ABRAXAS1: variants seen among roughly 807,000 people sequenced by gnomAD.
ABRAXAS1 encodes abraxas 1, BRCA1 A complex subunit, also known as BRCA1-A complex subunit Abraxas 1.
In ABRAXAS1, 26 loss-of-function variants were observed where a neutral mutation model predicts 38.4. The observed-to-expected ratio is 0.68, with a 90% confidence interval of 0.50 to 0.94. ABRAXAS1 has a LOEUF of 0.94. ABRAXAS1 is among the 40% of genes least tolerant of loss of function. ABRAXAS1 has a pLI of 0.00. For missense variants in ABRAXAS1, 438 were observed against 481.9 expected (o/e 0.91, Z 0.85); for synonymous variants, 144 against 165.5 (o/e 0.87, Z 1.00).
intron 2 of ABRAXAS1, among the ~76,000 whole-genome samples, chr4:83,481,341 G>A (rs564216894): frequency 2.8e-4 from 43 of 152,034 alleles, no homozygotes; most frequent in African/African-American, 9.9e-4. Flanking sequence ...TTTTCCCTAT[G>A]CATTTTAAAG....
intron 2 of ABRAXAS1, chr4:83,479,271 CA>C (rs1405400312): frequency 6.6e-6 from 1 of 152,010 alleles, no homozygotes; most frequent in Non-Finnish European, 1.5e-5. Flanking sequence ...GGTGTGGTGG[CA>C]GTCGCCGGTA....
chr4:83,464,631 AAG>A lies in ABRAXAS1; in HGVS notation c.682-1025_682-1024del, dbSNP rs1427483804. On this transcript the variant is annotated intron_variant, in intron 7 of 8. Coordinates refer to ENST00000321945, the MANE Select transcript of ABRAXAS1 (RefSeq NM_139076.3). ...TTACAAACTTTTTTTGCCCTGACAT[AAG>A]AGTTTGCCAGTTACCCCTGTACCCA... is the stretch of plus-strand genomic sequence containing the variant. 3.9e-5 allele frequency among the ~76,000 whole-genome samples: 6 copies of A among 152,256 alleles called. No individual in the cohort carries two copies. The East Asian group carries it at 1.2e-3, about 29-fold the overall frequency.
chr4:83,472,537 G>GT (rs1358860440), intron 3 of ABRAXAS1, among the ~76,000 whole-genome samples: 3 of 151,800 alleles, frequency 2.0e-5, no homozygotes, highest in South Asian at 2.1e-4. Flanking sequence ...TTTGGGAATC[G>GT]TTTTTTTTGA....
chr4:83,465,299 CAAA>C (rs35072866), intron 7 of ABRAXAS1, among the ~76,000 whole-genome samples: 42 of 88,200 alleles, frequency 4.8e-4, no homozygotes, highest in Admixed American at 2.4e-3. Context: ...GACTCTGTCT[CAAA>C]AAAAAAAAAA....
intron 3 of ABRAXAS1, among the ~76,000 whole-genome samples, chr4:83,473,979 C>A (rs13116765): frequency 0.49 from 73,340 of 150,218 alleles, 18,778 homozygotes; most frequent in East Asian, 0.67. Context: ...TAAAAATACA[C>A]CAACAAAAAA....
chr4:83,482,677 T>TA (rs1481779493), intron 1 of ABRAXAS1, among the ~76,000 whole-genome samples: 1 of 152,072 alleles, frequency 6.6e-6, no homozygotes, highest in Admixed American at 6.6e-5. Context: ...GCCCAGGCGA[T>TA]AGAGTGAGAC....
rs1284794023 is a variant in ABRAXAS1 at position 83,469,164 on chromosome 4, A to G, written c.477-13T>C. The G allele has an allele frequency of 1.1e-5, 17 of 1,610,702 alleles. No homozygotes were observed. The highest frequency in any genetic ancestry group is 1.4e-5 in the Non-Finnish European group (16 of 1,177,250). On this transcript the variant is annotated splice_polypyrimidine_tract_variant and intron_variant, in intron 5 of 8. Coordinates refer to ENST00000321945, the MANE Select transcript of ABRAXAS1 (RefSeq NM_139076.3). ...CCTGTGAAAAAGTCTGACAAAATAA[A>G]ACTTTAGAGTATAAACTTAGAATGA...
intron 1 of ABRAXAS1, among the ~76,000 whole-genome samples, chr4:83,482,656 A>C (rs776853758): frequency 4.6e-5 from 7 of 152,236 alleles, no homozygotes; most frequent in Non-Finnish European, 1.0e-4. Flanking sequence ...TGATCACGCC[A>C]CTGCACTCCA....
intron 3 of ABRAXAS1, among the ~76,000 whole-genome samples, chr4:83,473,047 G>A (rs992661581): frequency 2.0e-5 from 3 of 152,158 alleles, no homozygotes; most frequent in South Asian, 4.1e-4. Context: ...GGGAGGCTGA[G>A]GGGGGTGGAT....
At position 83,460,927 on chromosome 4, in the gene ABRAXAS1, T is replaced by C. The variant is rs748866658; in HGVS notation, c.*1542A>G. On this transcript the variant is annotated 3_prime_UTR_variant, in exon 9 of 9. Transcript: ENST00000321945. ...TCTCAAAAAAAAAAATTGCAAACTT[T>C]AAATATTGACATTTTTTATGAATAA... 1 of 1,561,190 alleles carries C rather than the reference T, an allele frequency of 6.4e-7. No homozygotes were observed. The highest frequency in any genetic ancestry group is 1.2e-5 in the South Asian group (1 of 84,670).
At chr4:83,483,928 T>C (rs1723084136) in intron 1 of ABRAXAS1, 1 of 663,728 alleles carries the variant, frequency 1.5e-6, no homozygotes, top group African/African-American at 2.0e-5. Flanking sequence ...TAAATGGTCA[T>C]ATATTTGTTC....
Position 83,459,967 on chromosome 4 carries a change from T to C in ABRAXAS1, c.*2502A>G. 1.9e-6 allele frequency: 1 copy of C among 535,606 alleles called. No homozygotes were observed. The highest frequency in any genetic ancestry group is 1.9e-5 in the African/African-American group (1 of 51,494). 33.2% of individuals were successfully genotyped at this position (535,606 alleles called of 1,614,324 possible). A position where few individuals can be genotyped will look rare whatever the true frequency, so the allele number is the denominator to read the frequency against. On this transcript the variant is annotated 3_prime_UTR_variant, in exon 9 of 9. Transcript: ENST00000321945. ...GAAAAAGTCTCTTAGGCCAAGAGGA[T>C]TATTATTTTGCTGTCTTATGCAGAG...
chr4:83,462,921 C>A lies in ABRAXAS1; in HGVS notation c.797-19G>T. On this transcript the variant is annotated intron_variant, in intron 8 of 8. Coordinates refer to ENST00000321945, the MANE Select transcript of ABRAXAS1 (RefSeq NM_139076.3). ...TTCTCTCCTAAACAAAATAGAATAACAGTTCAACATATAACATTTCTTCTA... is the reference window on the plus strand; with the variant it reads ...TTCTCTCCTAAACAAAATAGAATAAAAGTTCAACATATAACATTTCTTCTA... The A allele has an allele frequency of 6.8e-7, 1 of 1,465,500 alleles. No homozygotes were observed. The highest frequency in any genetic ancestry group is 9.2e-7 in the Non-Finnish European group (1 of 1,084,388). 90.8% of individuals were successfully genotyped at this position (1,465,500 alleles called of 1,614,324 possible).
rs986708157 is a variant in ABRAXAS1, at chr4:83,484,120, G to A, written c.87+866C>T. 52 of 952,078 alleles carry A rather than the reference G, an allele frequency of 5.5e-5. 1 individual carries two copies. Among genetic ancestry groups the A allele is most frequent in the Non-Finnish European group, 6.5e-5 (52 of 799,906 alleles). 59.0% of individuals were successfully genotyped at this position (952,078 alleles called of 1,614,324 possible). On this transcript the variant is annotated intron_variant, in intron 1 of 8. Transcript: ENST00000321945. ...TGGGCTCAGGTGATTCACCCGCCTC[G>A]GCTTCCCAAAGGGCTGGAATTACAG...
At position 83,461,185 on chromosome 4, in the gene ABRAXAS1, A is replaced by T. The variant is rs1722095793; in HGVS notation, c.*1284T>A. The T allele has an allele frequency of 3.7e-6, 6 of 1,611,750 alleles. No individual in the cohort carries two copies. The highest frequency in any genetic ancestry group is 1.3e-5 in the African/African-American group (1 of 74,854). ...AGGACCCTAAAGTTTGTAACATCAG[A>T]TATCGGGAATAAATTCTATCACGTT... On this transcript the variant is annotated 3_prime_UTR_variant, in exon 9 of 9. Coordinates refer to ENST00000321945, the MANE Select transcript of ABRAXAS1 (RefSeq NM_139076.3).
chr4:83,472,218 A>G lies in ABRAXAS1; in HGVS notation c.282+4T>C. ...AAAAAAAGGGAAGATAAATTAGAGA[A>G]TACCTTTTTGACATTTGATAATATT... is the stretch of plus-strand genomic sequence containing the variant. On this transcript the variant is annotated splice_donor_region_variant and intron_variant, in intron 4 of 8. Transcript: ENST00000321945. 1 of 1,495,126 alleles carries G rather than the reference A, an allele frequency of 6.7e-7. No individual in the cohort carries two copies. Among genetic ancestry groups the G allele is most frequent in the Non-Finnish European group, 9.0e-7 (1 of 1,113,778 alleles). 92.6% of individuals were successfully genotyped at this position (1,495,126 alleles called of 1,614,324 possible). A position where few individuals can be genotyped will look rare whatever the true frequency, so the allele number is the denominator to read the frequency against.
rs748475674 is a variant in ABRAXAS1 at position 83,462,870 on chromosome 4, TCTC to T, written c.826_828del (p.Glu276del). On this transcript the variant is annotated inframe_deletion, in exon 9 of 9. Transcript: ENST00000321945. ...CGTAATGCCTGACAAAGAAAAATGT[TCTC>T]CTGAGGGTCTTTTTGGATGTTCTTC... 6.8e-4 allele frequency: 1,093 copies of T among 1,597,370 alleles called. 1 individual carries two copies. The highest frequency in any genetic ancestry group is 9.0e-4 in the Non-Finnish European group (1,057 of 1,173,298).
At chr4:83,482,656 A>G (rs776853758) in intron 1 of ABRAXAS1, among the ~76,000 whole-genome samples, 25 of 152,236 alleles carry the variant, frequency 1.6e-4, no homozygotes, top group Non-Finnish European at 2.9e-4. Flanking sequence ...TGATCACGCC[A>G]CTGCACTCCA....
intron 4 of ABRAXAS1, among the ~76,000 whole-genome samples, chr4:83,471,012 G>C (rs989863636): frequency 6.6e-6 from 1 of 151,926 alleles, no homozygotes; most frequent in Non-Finnish European, 1.5e-5. Context: ...CAATCACTTT[G>C]CTTAGAGATC....
Sources: allele counts gnomAD v4.1 joint callset (sites outside exome capture counted in the v4.1 genomes callset), GRCh38; gene constraint gnomAD v4.1.1; transcripts MANE v1.5; gene names NCBI Gene and HGNC (gene_info 2026-07-23, HGNC 2026-07-21).